Variants in FOLH1 observed in about 807,000 individuals in gnomAD.
FOLH1 encodes the protein glutamate carboxypeptidase 2.
Under a neutral mutation model 93.9 loss-of-function variants are expected in FOLH1, and 54 were observed. The ratio of observed to expected loss-of-function variants is 0.57; its 90% CI spans 0.46 to 0.72. The LOEUF is 0.72. FOLH1 is among the 30% of genes least tolerant of loss of function. The probability of loss-of-function intolerance (pLI) is 0.00; values close to 1 mark genes in which losing one functional copy is unlikely to be tolerated. For missense variants in FOLH1, 571 were observed against 892.5 expected (o/e 0.64, Z 4.59); for synonymous variants, 249 against 303.6 (o/e 0.82, Z 1.87).
At chr11:49,199,246 TAC>T (rs1863012561) in intron 3 of FOLH1, among the ~76,000 whole-genome samples, 1 of 152,214 alleles carries the variant, frequency 6.6e-6, no homozygotes, top group African/African-American at 2.4e-5. Context: ...CTCTTCTACA[TAC>T]GGTAGCTCTA....
intron 3 of FOLH1, among the ~76,000 whole-genome samples, chr11:49,199,374 A>T (rs1863024207): frequency 6.6e-6 from 1 of 152,182 alleles, no homozygotes; most frequent in Admixed American, 6.5e-5. Context: ...TTTCTCAAGT[A>T]TATGCCCCAA....
intron 9 of FOLH1, 111 bp from the exon 10 acceptor site, chr11:49,173,587 AAAGG>A (rs2135094703): frequency 8.4e-7 from 1 of 1,189,810 alleles, no homozygotes; most frequent in East Asian, 2.8e-5. Flanking sequence ...GAAAAAAAAA[AAAGG>A]CTAGGTTCCC....
chr11:49,168,348 A>C (rs1221033861), intron 12 of FOLH1, among the ~76,000 whole-genome samples: 2 of 152,070 alleles, frequency 1.3e-5, no homozygotes, highest in Non-Finnish European at 2.9e-5. Flanking sequence ...CAAGATATAG[A>C]TATATTAGTG....
At chr11:49,206,640 C>G (rs2135355763) in intron 1 of FOLH1, 1 of 655,706 alleles carries the variant, frequency 1.5e-6, no homozygotes, top group Non-Finnish European at 2.5e-6. Context: ...TAAATTATTT[C>G]CAAGTGTTGA....
At chr11:49,185,074 ATC>A (rs1385853187) in intron 6 of FOLH1, among the ~76,000 whole-genome samples, 1 of 152,208 alleles carries the variant, frequency 6.6e-6, no homozygotes, top group Non-Finnish European at 1.5e-5. Flanking sequence ...TTTGAAAGTT[ATC>A]TCTGTTATCT....
intron 4 of FOLH1, among the ~76,000 whole-genome samples, chr11:49,191,101 T>C (rs2135243074): frequency 6.6e-6 from 1 of 152,210 alleles, no homozygotes; most frequent in South Asian, 2.1e-4. Flanking sequence ...AAGCTCCACC[T>C]CCCGCGTTCA....
chr11:49,185,880 C>G, intron 5 of FOLH1, 25 bp from the exon 6 acceptor site: 1 of 1,502,680 alleles, frequency 6.7e-7, no homozygotes. Flanking sequence ...GTCTTTCTTT[C>G]CTTATTTTAA....
intron 10 of FOLH1, among the ~76,000 whole-genome samples, chr11:49,173,118 C>T (rs955197894): frequency 3.9e-5 from 6 of 152,084 alleles, no homozygotes; most frequent in African/African-American, 1.4e-4. Flanking sequence ...CAACCATTAA[C>T]AGTATAATTC....
intron 15 of FOLH1, among the ~76,000 whole-genome samples, chr11:49,156,391 T>G (rs1230186858): frequency 6.6e-6 from 1 of 152,060 alleles, no homozygotes; most frequent in Non-Finnish European, 1.5e-5. Context: ...GAGGGTGAAA[T>G]CAAAGACAAT....
At position 49,146,443 on chromosome 11, in the gene FOLH1, T is replaced by C. The variant is rs1045100009; in HGVS notation, c.*313A>G. On this transcript the variant is annotated 3_prime_UTR_variant, in exon 19 of 19. Coordinates refer to ENST00000256999, the MANE Select transcript of FOLH1 (RefSeq NM_004476.3). ...ATGTTTTCTTCTGTGTGAAGTGACA[T>C]GAATAGATTAGACTTGATTCCCTGA... Among the ~76,000 whole-genome samples the C allele has an allele frequency of 5.3e-5, 8 of 152,186 alleles. No homozygotes were observed. The highest frequency in any genetic ancestry group is 1.9e-4 in the African/African-American group (8 of 41,462).
intron 5 of FOLH1, 162 bp from the exon 6 acceptor site, chr11:49,186,017 C>T: frequency 3.0e-6 from 3 of 1,014,390 alleles, no homozygotes; most frequent in Non-Finnish European, 3.9e-6. Context: ...TTTCCCTTTT[C>T]TTTTTGCTAC....
At chr11:49,164,914 A>C in intron 12 of FOLH1, 142 bp from the exon 13 acceptor site, 1 of 688,442 alleles carries the variant, frequency 1.5e-6, no homozygotes, top group Non-Finnish European at 2.5e-6. Flanking sequence ...TTCCCAACTA[A>C]CTCTGTAAAG....
chr11:49,175,034 T>G, intron 8 of FOLH1, 57 bp from the exon 9 acceptor site: 1 of 1,507,592 alleles, frequency 6.6e-7, no homozygotes, highest in African/African-American at 1.4e-5. Context: ...AGATTAACAC[T>G]ATAAGGTTTA....
intron 3 of FOLH1, among the ~76,000 whole-genome samples, chr11:49,199,506 A>G (rs1367314996): frequency 4.6e-5 from 7 of 152,332 alleles, no homozygotes; most frequent in Non-Finnish European, 8.8e-5. Flanking sequence ...CAATTGAGAC[A>G]TAATCATTAA....
Position 49,166,055 on chromosome 11 carries a change from C to T in FOLH1, c.1373-1283G>A, listed in dbSNP as rs191533511. 1.3e-3 allele frequency among the ~76,000 whole-genome samples: 204 copies of T among 152,262 alleles called. 1 individual carries two copies. The highest frequency in any genetic ancestry group is 6.8e-3 in the Middle Eastern group (2 of 294). On this transcript the variant is annotated intron_variant, in intron 12 of 18. Transcript: ENST00000256999. ...TAATATTAACCACAACAAACTGAAG[C>T]AAGCTGTCCAGCAGCTAGAAAACTG...
rs116052288 is a variant in FOLH1 at position 49,183,412 on chromosome 11, A to T, written c.827-170T>A. Among the ~76,000 whole-genome samples, 929 of 152,292 alleles carry T rather than the reference A, an allele frequency of 6.1e-3. 11 individuals carry two copies. The highest frequency in any genetic ancestry group is 0.027 in the Middle Eastern group (8 of 294). ...TGCAGAGCAACTGAAATCCTCATACATTGCTTGTGATAATCTAGGCTAAAA... is the reference window on the plus strand; with the variant it reads ...TGCAGAGCAACTGAAATCCTCATACTTTGCTTGTGATAATCTAGGCTAAAA... On this transcript the variant is annotated intron_variant, in intron 6 of 18. Transcript: ENST00000256999.
intron 7 of FOLH1, among the ~76,000 whole-genome samples, chr11:49,177,171 A>G (rs1860155300): frequency 6.6e-6 from 1 of 152,274 alleles, no homozygotes; most frequent in Non-Finnish European, 1.5e-5. Flanking sequence ...ATTAGAATTA[A>G]CATCTCGTTT....
chr11:49,163,875 A>G (rs1168982778), intron 13 of FOLH1, among the ~76,000 whole-genome samples: 1 of 152,068 alleles, frequency 6.6e-6, no homozygotes, highest in Admixed American at 6.6e-5. Flanking sequence ...GCAAAGATCC[A>G]TGGAAAAAGC....
At position 49,208,559 on chromosome 11, in the gene FOLH1, T is replaced by G; in HGVS notation, c.-150A>C. The G allele has an allele frequency of 1.8e-6, 1 of 546,234 alleles. No individual in the cohort carries two copies. Among genetic ancestry groups the G allele is most frequent in the Non-Finnish European group, 3.2e-6 (1 of 310,654 alleles). 33.8% of individuals were successfully genotyped at this position (546,234 alleles called of 1,614,324 possible). On this transcript the variant is annotated 5_prime_UTR_variant, in exon 1 of 19. Coordinates refer to ENST00000256999, the MANE Select transcript of FOLH1 (RefSeq NM_004476.3). ...TGCAGGCTGGAATTCGCTCCAGACCTGGGGTCCAGTTTCTCCACCACAGCA... is the reference window on the plus strand; with the variant it reads ...TGCAGGCTGGAATTCGCTCCAGACCGGGGGTCCAGTTTCTCCACCACAGCA...
Sources: gnomAD v4.1 joint callset for allele counts (sites outside exome capture counted in the v4.1 genomes callset) on GRCh38, gnomAD v4.1.1 for gene constraint, MANE v1.5 for transcripts, NCBI Gene and HGNC (gene_info 2026-07-23, HGNC 2026-07-21) for gene names.